The following CHD1 variants were observed in gnomAD, a reference collection of about 807,000 sequenced individuals.
CHD1 encodes ATP-dependent chromatin remodeler CHD1.
In CHD1, 36 loss-of-function variants were observed where a neutral mutation model predicts 224.2. That is an observed-to-expected ratio of 0.16 (90% CI 0.12 to 0.21). The LOEUF is 0.21. CHD1 is among the 10% of genes least tolerant of loss of function. CHD1 has a pLI of 1.00. For synonymous variants in CHD1, 668 were observed against 658.3 expected (o/e 1.01, Z -0.23); for missense variants, 1,378 against 1,994.8 (o/e 0.69, Z 5.89).
intron 15 of CHD1, among the ~76,000 whole-genome samples, chr5:98,891,698 C>G (rs1315227914): frequency 6.6e-6 from 1 of 152,102 alleles, no homozygotes; most frequent in Non-Finnish European, 1.5e-5. Flanking sequence ...GTAAACCCAG[C>G]TACTTGGGAG....
chr5:98,869,622 GCACACACACACACA>G (rs113502266), intron 30 of CHD1, 118 bp downstream of exon 30: 23 of 717,794 alleles, frequency 3.2e-5, no homozygotes, highest in Non-Finnish European at 4.1e-5. Flanking sequence ...ACGTGCGCGC[GCACACACACACACA>G]CACACACACA....
At chr5:98,874,374 T>C (rs990732686) in intron 25 of CHD1, among the ~76,000 whole-genome samples, 3 of 151,862 alleles carry the variant, frequency 2.0e-5, no homozygotes, top group Non-Finnish European at 4.4e-5. Flanking sequence ...ACAGTTTGTA[T>C]AATAAGAGAA....
chr5:98,882,496 T>C (rs934089282), intron 19 of CHD1, among the ~76,000 whole-genome samples: 1 of 151,940 alleles, frequency 6.6e-6, no homozygotes, highest in Non-Finnish European at 1.5e-5. Context: ...CTCTATATAA[T>C]GCAAAATTCT....
At chr5:98,859,898 A>AACT in intron 33 of CHD1, 74 bp downstream of exon 33, 2 of 743,772 alleles carry the variant, frequency 2.7e-6, no homozygotes, top group East Asian at 5.3e-5. Context: ...TTATTAATCA[A>AACT]ACTGCTCTGT....
Position 98,854,760 on chromosome 5 carries a change from G to C in CHD1, c.*1620C>G, listed in dbSNP as rs779724908. The C allele has an allele frequency of 6.6e-6, 1 of 152,070 alleles. No homozygotes were observed. The highest frequency in any genetic ancestry group is 2.4e-5 in the African/African-American group (1 of 41,428). 9.4% of individuals were successfully genotyped at this position (152,070 alleles called of 1,614,324 possible). A position where few individuals can be genotyped will look rare whatever the true frequency, so the allele number is the denominator to read the frequency against. ...TACACCTATGGACAAATATCTGTAG[G>C]TTGCTCCCACAGCTAATTAACAGTG... On this transcript the variant is annotated 3_prime_UTR_variant, in exon 36 of 36. Coordinates refer to ENST00000614616, the MANE Select transcript of CHD1 (RefSeq NM_001270.4).
intron 29 of CHD1, among the ~76,000 whole-genome samples, chr5:98,870,191 C>T (rs1237108148): frequency 6.6e-6 from 1 of 152,154 alleles, no homozygotes; most frequent in Non-Finnish European, 1.5e-5. Flanking sequence ...CAAGAGACTG[C>T]ATTAGGAATG....
At chr5:98,915,513 G>A (rs1004201836) in intron 2 of CHD1, among the ~76,000 whole-genome samples, 5 of 152,184 alleles carry the variant, frequency 3.3e-5, no homozygotes, top group Admixed American at 6.5e-5. Context: ...AGAATGAGCA[G>A]ATGAGAAATA....
chr5:98,919,536 T>C (rs914540302), intron 2 of CHD1, among the ~76,000 whole-genome samples: 2 of 152,202 alleles, frequency 1.3e-5, no homozygotes, highest in East Asian at 1.9e-4. Context: ...CTTGATAAAG[T>C]ATATCCTAAA....
Position 98,902,819 on chromosome 5 carries a change from C to T in CHD1, c.437+81G>A, listed in dbSNP as rs1208085950. 3.4e-6 allele frequency: 3 copies of T among 884,062 alleles called. No homozygotes were observed. In the East Asian group the frequency reaches 8.0e-5, roughly 23 times the overall value. The allele number at this position is 884,062 out of a possible 1,614,324, so 54.8% of individuals were successfully genotyped here. A position where few individuals can be genotyped will look rare whatever the true frequency, so the allele number is the denominator to read the frequency against. ...AGAATTTAGAAGAGTCTCCTTTTGG[C>T]AACAATTTTCATAAAGAAAGAAATA... On this transcript the variant is annotated intron_variant, in intron 5 of 35. Transcript: ENST00000614616.
At position 98,882,108 on chromosome 5, in the gene CHD1, G is replaced by A; in HGVS notation, c.2734C>T (p.Leu912=). 5 of 1,612,440 alleles carry A rather than the reference G, an allele frequency of 3.1e-6. No individual in the cohort carries two copies. The highest frequency in any genetic ancestry group is 4.2e-6 in the Non-Finnish European group (5 of 1,179,554). Residue 912 remains leucine, a synonymous_variant, in exon 20 of 36, where the codon CTA becomes TTA. Transcript: ENST00000614616. Reference sequence around the variant, plus strand: ...TCTTCAACTGATCCCTTTGTAACTAGACGATAAATATTCACCTGTAAAAAT... The same window carrying A: ...TCTTCAACTGATCCCTTTGTAACTAAACGATAAATATTCACCTGTAAAAAT... ...GQKKQVNIYR[L]VTKGSVEEDI...
At chr5:98,898,128 C>A (rs534913288) in intron 10 of CHD1, 128 bp downstream of exon 10, 19 of 440,140 alleles carry the variant, frequency 4.3e-5, no homozygotes, top group Non-Finnish European at 6.7e-5. Flanking sequence ...TCCTGTAAGA[C>A]CTATTAACCA....
In CHD1 at chr5:98,869,268, T is replaced by A. The variant is rs139763698; in HGVS notation, c.4107+486A>T. On this transcript the variant is annotated intron_variant, in intron 30 of 35. Coordinates refer to ENST00000614616, the MANE Select transcript of CHD1 (RefSeq NM_001270.4). ...TTTTTATTTGGATGTTTCACAGAAC[T>A]GATCTCATCCTGGAAAGTGCAAGTA... 2.2e-4 allele frequency: 218 copies of A among 986,140 alleles called. 2 individuals are homozygous for A. In the African/African-American group the frequency reaches 3.5e-3, roughly 16 times the overall value. 61.1% of individuals were successfully genotyped at this position (986,140 alleles called of 1,614,324 possible). A position where few individuals can be genotyped will look rare whatever the true frequency, so the allele number is the denominator to read the frequency against.
chr5:98,916,526 C>G (rs151169242), intron 2 of CHD1, among the ~76,000 whole-genome samples: 86 of 64,012 alleles, frequency 1.3e-3, no homozygotes, highest in African/African-American at 5.4e-3. Flanking sequence ...GTCTGGGCAA[C>G]AAGAGTGAAA....
chr5:98,884,194 C>T (rs1228940869), intron 18 of CHD1, among the ~76,000 whole-genome samples: 1 of 151,656 alleles, frequency 6.6e-6, no homozygotes, highest in South Asian at 2.1e-4. Context: ...CTGCTTCAGC[C>T]TCCCGAGTAG....
At position 98,863,453 on chromosome 5, in the gene CHD1, C is replaced by T. The variant is rs764789985; in HGVS notation, c.4382G>A (p.Cys1461Tyr). ...TTCAGGATTTGTATACTCTTTTAGACATTCTGTGATATGGTCTCCAATTTT... is the reference window on the plus strand; with the variant it reads ...TTCAGGATTTGTATACTCTTTTAGATATTCTGTGATATGGTCTCCAATTTT... ...LIKIGDHITE[C>Y]LKEYTNPEQI... The change falls in exon 32 of 36, where the codon TGT becomes TAT. Residue 1461 changes from cysteine (C) to tyrosine (Y), a missense_variant. By Grantham distance (194) the Cys-to-Tyr change is radical (BLOSUM62 -2). Coordinates refer to ENST00000614616, the MANE Select transcript of CHD1 (RefSeq NM_001270.4). 6.2e-7 allele frequency: 1 copy of T among 1,601,292 alleles called. No homozygotes were observed. Among genetic ancestry groups the T allele is most frequent in the Admixed American group, 1.7e-5 (1 of 58,360 alleles).
At chr5:98,859,182 A>C (rs982614407) in intron 33 of CHD1, among the ~76,000 whole-genome samples, 167 bp from the exon 34 acceptor site, 1 of 152,118 alleles carries the variant, frequency 6.6e-6, no homozygotes, top group African/African-American at 2.4e-5. Flanking sequence ...CCATTTTTAA[A>C]GCATGAACTA....
At chr5:98,902,276 T>C (rs113837046) in intron 5 of CHD1, among the ~76,000 whole-genome samples, 56 of 152,012 alleles carry the variant, frequency 3.7e-4, no homozygotes, top group African/African-American at 1.3e-3. Flanking sequence ...TAATAAAAGA[T>C]ACAAATCTTC....
At chr5:98,892,346 A>G (rs1751077720) in intron 15 of CHD1, among the ~76,000 whole-genome samples, 179 bp downstream of exon 15, 1 of 152,172 alleles carries the variant, frequency 6.6e-6, no homozygotes, top group Non-Finnish European at 1.5e-5. Flanking sequence ...ATAATTTTGG[A>G]TATGTCATTA....
intron 12 of CHD1, among the ~76,000 whole-genome samples, chr5:98,895,252 T>C (rs1462095412): frequency 2.7e-5 from 4 of 150,046 alleles, no homozygotes; most frequent in Non-Finnish European, 4.4e-5. Context: ...AGGTCTTATT[T>C]AAGAAAACAT....
Sources: gnomAD v4.1 joint callset for allele counts (sites outside exome capture counted in the v4.1 genomes callset) on GRCh38, gnomAD v4.1.1 for gene constraint, MANE v1.5 for transcripts, NCBI Gene and HGNC (gene_info 2026-07-23, HGNC 2026-07-21) for gene names.